Variants in MAP7D1 observed in about 807,000 individuals in gnomAD.
The protein encoded by MAP7D1 is MAP7 domain containing 1.
In MAP7D1, 30 loss-of-function variants were observed where a neutral mutation model predicts 97.5. That is an observed-to-expected ratio of 0.31 (90% CI 0.23 to 0.42). The LOEUF is 0.42. Among genes scored for constraint, MAP7D1 ranks in the 10% least tolerant of loss-of-function variants. The pLI is 1.00. For synonymous variants in MAP7D1, 536 were observed against 477.1 expected, an observed-to-expected ratio of 1.12 and a Z score of -1.61; for missense variants, 1,184 against 1,179.5, an observed-to-expected ratio of 1.00 and a Z score of -0.06.
At position 36,178,049 on chromosome 1, in the gene MAP7D1, G is replaced by A. The variant is rs760627087; in HGVS notation, c.1556G>A (p.Ser519Asn). The A allele has an allele frequency of 2.5e-6, 4 of 1,612,806 alleles. No homozygotes were observed. In the East Asian group the frequency reaches 8.9e-5, roughly 36 times the overall value. The change falls in exon 9 of 17, where the codon AGC (serine) becomes AAC (asparagine). Residue 519 changes from serine (S) to asparagine (N), a missense_variant. By Grantham distance (46) the Ser-to-Asn change is conservative. Transcript: ENST00000474796. ...AAGGAGGAGGCAAAGGAGAGCCCCA[G>A]CGCCGCAGGGCCCGAGGACAAGAGC... Reference protein sequence around the residue: ...RRKEEAKESPSAAGPEDKSQS... With the variant: ...RRKEEAKESPNAAGPEDKSQS...
intron 1 of MAP7D1, among the ~76,000 whole-genome samples, chr1:36,161,567 G>T (rs1209180742): frequency 1.3e-5 from 2 of 152,208 alleles, no homozygotes; most frequent in African/African-American, 4.8e-5. Flanking sequence ...TATGGCAAAG[G>T]TTAAATGAAC....
chr1:36,156,285 GC>G lies in MAP7D1; in HGVS notation c.-128del. The G allele has an allele frequency of 1.5e-6, 1 of 647,310 alleles. No homozygotes were observed. Among genetic ancestry groups the G allele is most frequent in the Non-Finnish European group, 2.3e-6 (1 of 433,722 alleles). 40.1% of individuals were successfully genotyped at this position (647,310 alleles called of 1,614,324 possible). ...CACCTGCCTCGACCTTCCCCGGAGC[GC>G]CCCCGCCTCCGAGTCGCTACTTGCC... is the stretch of plus-strand genomic sequence containing the variant. On this transcript the variant is annotated 5_prime_UTR_variant, in exon 1 of 17. Coordinates refer to ENST00000474796, the MANE Select transcript of MAP7D1 (RefSeq NM_001388490.1).
In MAP7D1 at chr1:36,156,376, C is replaced by CGCCGCCGCT; in HGVS notation, c.-40_-32dup. On this transcript the variant is annotated 5_prime_UTR_variant, in exon 1 of 17. An upstream open reading frame in the 5' UTR loses its in-frame stop. Transcript: ENST00000474796. ...TGTCCTGGCCACTGGCCGCCGCCGC[C>CGCCGCCGCT]GCCGCCGCTGAGACCCCGAGACCCC... The CGCCGCCGCT allele has an allele frequency of 6.8e-6, 10 of 1,478,232 alleles. No homozygotes were observed. Among genetic ancestry groups the CGCCGCCGCT allele is most frequent in the Non-Finnish European group, 8.9e-6 (10 of 1,120,518 alleles). 91.6% of individuals were successfully genotyped at this position (1,478,232 alleles called of 1,614,324 possible). A position where few individuals can be genotyped will look rare whatever the true frequency, so the allele number is the denominator to read the frequency against.
intron 1 of MAP7D1, among the ~76,000 whole-genome samples, chr1:36,168,838 C>T (rs1490816486): frequency 6.6e-6 from 1 of 152,174 alleles, no homozygotes; most frequent in Non-Finnish European, 1.5e-5. Context: ...GTCCAGGCTC[C>T]CTGACTGACC....
At chr1:36,165,981 TG>T (rs1306692201) in intron 1 of MAP7D1, among the ~76,000 whole-genome samples, 1 of 151,650 alleles carries the variant, frequency 6.6e-6, no homozygotes, top group Non-Finnish European at 1.5e-5. Flanking sequence ...CCACCTGCCT[TG>T]GCCTCCCAAG....
Position 36,159,699 on chromosome 1 carries a change from T to C in MAP7D1, c.46+3236T>C, listed in dbSNP as rs1366598162. Among the ~76,000 whole-genome samples, 2 of 152,128 alleles carry C rather than the reference T, an allele frequency of 1.3e-5. No homozygotes were observed. The highest frequency in any genetic ancestry group is 2.9e-5 in the Non-Finnish European group (2 of 68,028). On this transcript the variant is annotated intron_variant, in intron 1 of 16. Transcript: ENST00000474796. The surrounding 1 kb of genome is among the most constrained non-coding windows in gnomAD (Gnocchi z 5.4). ...CTTAACGCGGCGAGGAAGGCAGATG[T>C]GTTCACTGCAGGGAAACCAGGTATA...
chr1:36,173,329 G>C (rs1644572681), intron 4 of MAP7D1, 35 bp from the exon 5 acceptor site: 1 of 1,528,758 alleles, frequency 6.5e-7, no homozygotes, highest in Non-Finnish European at 9.0e-7. Flanking sequence ...AATGTTCTGA[G>C]TCCACATCTC....
Position 36,170,967 on chromosome 1 carries a change from T to C in MAP7D1, c.47-4T>C. On this transcript the variant is annotated splice_region_variant and splice_polypyrimidine_tract_variant and intron_variant, in intron 1 of 16. Transcript: ENST00000474796. ...CTCTCTCCTCTCTTGTGTTGGTCTT[T>C]CAGCTGTGGTCGCCAGGACCCCCCC... The C allele has an allele frequency of 7.7e-7, 1 of 1,305,714 alleles. No individual in the cohort carries two copies. Among genetic ancestry groups the C allele is most frequent in the Non-Finnish European group, 1.1e-6 (1 of 917,138 alleles). The allele number at this position is 1,305,714 out of a possible 1,614,324, so 80.9% of individuals were successfully genotyped here.
At chr1:36,179,071 C>A in intron 12 of MAP7D1, 46 bp downstream of exon 12, 1 of 555,592 alleles carries the variant, frequency 1.8e-6, no homozygotes, top group Non-Finnish European at 3.0e-6. Context: ...CTGGGCAGGG[C>A]GGGCCAGGTG....
chr1:36,166,379 G>A (rs1029215379), intron 1 of MAP7D1, among the ~76,000 whole-genome samples: 8 of 150,606 alleles, frequency 5.3e-5, no homozygotes, highest in Non-Finnish European at 1.2e-4. Flanking sequence ...GAGGAGTGAC[G>A]TGATCTGACC....
chr1:36,169,524 C>T (rs1644514610), intron 1 of MAP7D1, among the ~76,000 whole-genome samples: 1 of 151,814 alleles, frequency 6.6e-6, no homozygotes, highest in African/African-American at 2.4e-5. Flanking sequence ...CCACTGCACT[C>T]CAGCCGGGGT....
chr1:36,172,661 G>A lies in MAP7D1; in HGVS notation c.624+34G>A, dbSNP rs370411503. On this transcript the variant is annotated intron_variant, in intron 4 of 16. Coordinates refer to ENST00000474796, the MANE Select transcript of MAP7D1 (RefSeq NM_001388490.1). Reference sequence around the variant, plus strand: ...TGGGTCTCCGTGAATCCATGTACACGTGTGCTCACCGTCTGCATACTGGTG... The same window carrying A: ...TGGGTCTCCGTGAATCCATGTACACATGTGCTCACCGTCTGCATACTGGTG... 100 of 1,512,256 alleles carry A rather than the reference G, an allele frequency of 6.6e-5. No homozygotes were observed. In the Middle Eastern group the frequency reaches 2.0e-3, roughly 30 times the overall value. The allele number at this position is 1,512,256 out of a possible 1,614,324, so 93.7% of individuals were successfully genotyped here.
Position 36,176,620 on chromosome 1 carries a change from G to C in MAP7D1, c.1233+39G>C, listed in dbSNP as rs898069281. The C allele has an allele frequency of 1.9e-6, 3 of 1,563,472 alleles. No homozygotes were observed. The highest frequency in any genetic ancestry group is 2.6e-6 in the Non-Finnish European group (3 of 1,151,850). ...CTGGCTCGAGTGGCCGCGCAGGTGG[G>C]GACAGGCAGCCTGGAACTGGGGTAC... On this transcript the variant is annotated intron_variant, in intron 7 of 16. Coordinates refer to ENST00000474796, the MANE Select transcript of MAP7D1 (RefSeq NM_001388490.1). This position sits in a 1 kb window ranked among gnomAD's most constrained non-coding sequence, Gnocchi z 6.1.
Position 36,159,035 on chromosome 1 carries a change from GTTATTTAT to G in MAP7D1, c.46+2603_46+2610del, listed in dbSNP as rs34482844. On this transcript the variant is annotated intron_variant, in intron 1 of 16. Transcript: ENST00000474796. The surrounding 1 kb of genome is among the most constrained non-coding windows in gnomAD (Gnocchi z 5.4). ...AGTGCCCAATAAGTGCTAGCCATTT[GTTATTTAT>G]TTATTTATTTATTTATTTATTTATT... Among the ~76,000 whole-genome samples the G allele has an allele frequency of 8.0e-3, 1,165 of 145,982 alleles. 14 individuals carry two copies. Among genetic ancestry groups the G allele is most frequent in the African/African-American group, 0.025 (1,000 of 39,794 alleles).
chr1:36,174,893 T>G lies in MAP7D1; in HGVS notation c.740-5T>G, dbSNP rs1410446304. ...GCCCTAATGCCGTGTCTTTTCCCCC[T>G]CCAGGTGGGAGCAGGTGCTCCGTGT... On this transcript the variant is annotated splice_polypyrimidine_tract_variant and splice_region_variant and intron_variant, in intron 5 of 16. Transcript: ENST00000474796. 1.9e-6 allele frequency: 3 copies of G among 1,592,486 alleles called. No individual in the cohort carries two copies. Among genetic ancestry groups the G allele is most frequent in the Non-Finnish European group, 2.6e-6 (3 of 1,161,542 alleles).
At chr1:36,158,754 A>T (rs969907308) in intron 1 of MAP7D1, among the ~76,000 whole-genome samples, 2 of 152,254 alleles carry the variant, frequency 1.3e-5, no homozygotes, top group Middle Eastern at 6.8e-3. Context: ...GCCAGCAGGG[A>T]GGTATGAAAT....
At chr1:36,162,297 C>T (rs1557771761) in intron 1 of MAP7D1, among the ~76,000 whole-genome samples, 1 of 152,212 alleles carries the variant, frequency 6.6e-6, no homozygotes, top group Non-Finnish European at 1.5e-5. Context: ...CAGGAGCCTG[C>T]CTTCCCTACA....
chr1:36,171,840 A>G (rs1644548010), intron 3 of MAP7D1: 3 of 275,018 alleles, frequency 1.1e-5, no homozygotes, highest in Admixed American at 4.7e-5. Flanking sequence ...AGACTGAGAT[A>G]GGAGAACTGC....
Position 36,173,428 on chromosome 1 carries a change from G to GCTGGTC in MAP7D1, c.694_699dup (p.Ser232_Trp233dup), listed in dbSNP as rs779057966. The GCTGGTC allele has an allele frequency of 2.5e-6, 4 of 1,614,076 alleles. No homozygotes were observed. The Admixed American group carries it at 6.7e-5, about 27-fold the overall frequency. Reference sequence around the variant, plus strand: ...ACGTGGGCCGAAATCCGGCAGCAGCGCTGGTCCTGGGCAGGGGCCCTGCAC... The same window carrying GCTGGTC: ...ACGTGGGCCGAAATCCGGCAGCAGCGCTGGTCCTGGTCCTGGGCAGGGGCCCTGCAC... On this transcript the variant is annotated inframe_insertion, in exon 5 of 17. Transcript: ENST00000474796.
Sources: allele counts gnomAD v4.1 joint callset (sites outside exome capture counted in the v4.1 genomes callset), GRCh38; gene constraint gnomAD v4.1.1; non-coding constraint Gnocchi (gnomAD v3.1); transcripts MANE v1.5; gene names NCBI Gene and HGNC (gene_info 2026-07-23, HGNC 2026-07-21).